RNF157: variants seen among roughly 807,000 people sequenced by gnomAD.
RNF157 encodes ring finger protein 157.
Under a neutral mutation model 88.3 loss-of-function variants are expected in RNF157, and 55 were observed. The ratio of observed to expected loss-of-function variants is 0.62; its 90% CI spans 0.50 to 0.78. The LOEUF (loss-of-function observed/expected upper bound fraction) is 0.78. Among genes scored for constraint, RNF157 ranks in the 30% least tolerant of loss-of-function variants. The probability of loss-of-function intolerance (pLI) is 0.00; values close to 1 mark genes in which losing one functional copy is unlikely to be tolerated. For missense variants in RNF157, 788 were observed against 860.8 expected (o/e 0.92, Z 1.06); for synonymous variants, 334 against 341.2 (o/e 0.98, Z 0.23).
At position 76,212,534 on chromosome 17, in the gene RNF157, A is replaced by C. The variant is rs760489615; in HGVS notation, c.89-52T>G. 9 of 1,173,634 alleles carry C rather than the reference A, an allele frequency of 7.7e-6. No homozygotes were observed. In the Admixed American group the frequency reaches 1.2e-4, roughly 15 times the overall value. The allele number at this position is 1,173,634 out of a possible 1,614,324, so 72.7% of individuals were successfully genotyped here. A position where few individuals can be genotyped will look rare whatever the true frequency, so the allele number is the denominator to read the frequency against. On this transcript the variant is annotated intron_variant, in intron 1 of 18. Transcript: ENST00000269391. The stretch of plus-strand genomic sequence containing the variant: ...AAACAAGCAGAAAACAGTCAACCTA[A>C]ATCTAGTAAAAAAAAAAAGCTGATT...
At chr17:76,157,000 TGCCCA>T (rs2068776294) in intron 13 of RNF157, among the ~76,000 whole-genome samples, 2 of 151,496 alleles carry the variant, frequency 1.3e-5, no homozygotes, top group Admixed American at 1.3e-4. Context: ...CTCGCTCTGT[TGCCCA>T]GCCCAGGCTG....
At chr17:76,226,233 C>G in intron 1 of RNF157, 1 of 1,611,816 alleles carries the variant, frequency 6.2e-7, no homozygotes, top group Non-Finnish European at 8.5e-7. Flanking sequence ...GGCTTCCTAT[C>G]TTCTTCAGTG....
chr17:76,212,840 G>C (rs1287761201), intron 1 of RNF157, among the ~76,000 whole-genome samples: 1 of 152,136 alleles, frequency 6.6e-6, no homozygotes, highest in East Asian at 1.9e-4. Flanking sequence ...CAGTCTGGGC[G>C]ACAGAGTGAG....
chr17:76,161,842 C>A lies in RNF157; in HGVS notation c.952+1G>T, dbSNP rs748872510. The A allele has an allele frequency of 2.5e-6, 4 of 1,613,696 alleles. No individual in the cohort carries two copies. The Admixed American group carries it at 6.7e-5, about 27-fold the overall frequency. On this transcript the variant is annotated splice_donor_variant, in intron 10 of 18. Coordinates refer to ENST00000269391, the MANE Select transcript of RNF157 (RefSeq NM_052916.3). LOFTEE classifies it high-confidence loss of function. The surrounding 1 kb of genome is among the most constrained non-coding windows in gnomAD (Gnocchi z 4.6). ...AGTCCCCCTGCCGCTCTGGGGCTTA[C>A]GCAGTCGGCAGATGGGGCAGTTGTT...
At chr17:76,237,372 T>C (rs900197233) in intron 1 of RNF157, among the ~76,000 whole-genome samples, 7 of 152,204 alleles carry the variant, frequency 4.6e-5, no homozygotes, top group African/African-American at 1.7e-4. Context: ...AGCCAGATAG[T>C]GGTCTCAACT....
intron 3 of RNF157, among the ~76,000 whole-genome samples, chr17:76,171,424 G>T (rs1598401910): frequency 6.8e-6 from 1 of 146,868 alleles, no homozygotes; most frequent in South Asian, 2.2e-4. Flanking sequence ...CCTGACCTCG[G>T]TGATCCGCCC....
intron 2 of RNF157, among the ~76,000 whole-genome samples, chr17:76,200,494 G>A (rs919288595): frequency 6.6e-6 from 1 of 152,258 alleles, no homozygotes; most frequent in South Asian, 2.1e-4. Flanking sequence ...GATTCAACTC[G>A]TATGAGGTAC....
At chr17:76,181,671 G>A (rs1003445531) in intron 2 of RNF157, among the ~76,000 whole-genome samples, 2 of 152,010 alleles carry the variant, frequency 1.3e-5, no homozygotes, top group African/African-American at 4.8e-5. Context: ...ACTTTGGGAA[G>A]CCGAGACAGG....
intron 9 of RNF157, 81 bp downstream of exon 9, chr17:76,162,471 G>C: frequency 2.0e-6 from 2 of 1,007,656 alleles, no homozygotes; most frequent in Non-Finnish European, 1.6e-6. Flanking sequence ...AGTTTGGCAC[G>C]CTAAATTTCT....
rs775381517 is a variant in RNF157, at chr17:76,161,826, G to T, written c.952+17C>A. The T allele has an allele frequency of 1.9e-5, 30 of 1,610,098 alleles. No homozygotes were observed. Among genetic ancestry groups the T allele is most frequent in the Non-Finnish European group, 2.5e-5 (29 of 1,177,094 alleles). ...CCCTCTCCCACCCACCAGTCCCCCT[G>T]CCGCTCTGGGGCTTACGCAGTCGGC... On this transcript the variant is annotated intron_variant, in intron 10 of 18. Transcript: ENST00000269391. The surrounding 1 kb of genome is among the most constrained non-coding windows in gnomAD (Gnocchi z 4.6).
intron 1 of RNF157, among the ~76,000 whole-genome samples, chr17:76,222,754 C>T (rs919233502): frequency 3.9e-5 from 6 of 152,142 alleles, no homozygotes; most frequent in Non-Finnish European, 7.3e-5. Context: ...CACATCTCAA[C>T]CCTGCACCTG....
intron 18 of RNF157, among the ~76,000 whole-genome samples, chr17:76,149,212 G>A (rs2068635269): frequency 6.6e-6 from 1 of 152,018 alleles, no homozygotes; most frequent in Non-Finnish European, 1.5e-5. Context: ...TGTTATCAGA[G>A]TGGTGAGGAC....
intron 2 of RNF157, among the ~76,000 whole-genome samples, chr17:76,185,073 G>C (rs2069257528): frequency 6.6e-6 from 1 of 152,178 alleles, no homozygotes; most frequent in African/African-American, 2.4e-5. Context: ...GACCATCACA[G>C]ATCCATTCTA....
chr17:76,158,899 A>G (rs1442913017), intron 12 of RNF157, among the ~76,000 whole-genome samples: 1 of 152,156 alleles, frequency 6.6e-6, no homozygotes, highest in Non-Finnish European at 1.5e-5. Flanking sequence ...ACAGGGTCTC[A>G]ATATTTTCAT....
At chr17:76,211,228 A>C (rs1332419604) in intron 2 of RNF157, among the ~76,000 whole-genome samples, 1 of 152,208 alleles carries the variant, frequency 6.6e-6, no homozygotes, top group Non-Finnish European at 1.5e-5. Context: ...TGCTCAGTAA[A>C]TGTTTGCCAA....
At chr17:76,155,513 T>C (rs182175065) in intron 15 of RNF157, 49 bp downstream of exon 15, 21 of 1,588,806 alleles carry the variant, frequency 1.3e-5, no homozygotes, top group Admixed American at 3.6e-5. Flanking sequence ...ACTTTGGACA[T>C]GTGCACAAAG....
At position 76,142,857 on chromosome 17, in the gene RNF157, T is replaced by G. The variant is rs769540410; in HGVS notation, c.*2378A>C. ...CCGGGATCACACCACCTGAAGGCAA[T>G]AGGGAGAGCACAGGCCTAGTGCAGC... On this transcript the variant is annotated 3_prime_UTR_variant, in exon 19 of 19. Coordinates refer to ENST00000269391, the MANE Select transcript of RNF157 (RefSeq NM_052916.3). The G allele has an allele frequency of 6.6e-6, 1 of 152,274 alleles. No individual in the cohort carries two copies. Among genetic ancestry groups the G allele is most frequent in the Admixed American group, 6.6e-5 (1 of 15,256 alleles). 9.4% of individuals were successfully genotyped at this position (152,274 alleles called of 1,614,324 possible).
At chr17:76,156,177 A>G (rs747493863) in intron 14 of RNF157, 33 bp downstream of exon 14, 20 of 1,519,870 alleles carry the variant, frequency 1.3e-5, no homozygotes, top group Non-Finnish European at 1.8e-5. Context: ...GTAAGGGGGA[A>G]GGACATGCAG....
At chr17:76,152,270 G>A (rs898024391) in intron 18 of RNF157, 85 bp downstream of exon 18, 3 of 884,164 alleles carry the variant, frequency 3.4e-6, no homozygotes, top group Non-Finnish European at 5.7e-6. Context: ...TGCAGGGCAG[G>A]AGATGGGTGT....
Sources: allele counts gnomAD v4.1 joint callset (sites outside exome capture counted in the v4.1 genomes callset), GRCh38; gene constraint gnomAD v4.1.1; non-coding constraint Gnocchi (gnomAD v3.1); transcripts MANE v1.5; gene names NCBI Gene and HGNC (gene_info 2026-07-23, HGNC 2026-07-21).